The following CUX1 variants were observed in gnomAD, a reference collection of about 807,000 sequenced individuals.
CUX1 encodes the protein protein CASP.
CUX1 carries 31 observed loss-of-function variants against 158.8 expected under a neutral mutation model. The ratio of observed to expected loss-of-function variants is 0.20; its 90% CI spans 0.15 to 0.26. The LOEUF is 0.26. Among genes scored for constraint, CUX1 ranks in the 10% least tolerant of loss-of-function variants. The pLI is 1.00. For synonymous variants in CUX1, 879 were observed against 862.1 expected, an observed-to-expected ratio of 1.02 and a Z score of -0.34; for missense variants, 1,589 against 2,014.6, an observed-to-expected ratio of 0.79 and a Z score of 4.04.
chr7:102,204,298 G>A (rs941406075), intron 18 of CUX1, 93 bp from the exon 19 acceptor site: 34 of 1,512,778 alleles, frequency 2.2e-5, no homozygotes, highest in African/African-American at 1.4e-4. Context: ...CCCTAGACGC[G>A]CCCTCTGCGT....
chr7:102,234,766 A>T (rs1481153196), intron 22 of CUX1, among the ~76,000 whole-genome samples: 1 of 151,742 alleles, frequency 6.6e-6, no homozygotes, highest in Non-Finnish European at 1.5e-5. Flanking sequence ...CTAAAAAAAA[A>T]AAAAAAAAAA....
At chr7:102,003,780 C>T (rs1816998273) in intron 2 of CUX1, among the ~76,000 whole-genome samples, 3 of 152,266 alleles carry the variant, frequency 2.0e-5, no homozygotes, top group Admixed American at 2.0e-4. Context: ...ATTGCAACCC[C>T]AGTTTTAGAA....
chr7:102,075,901 G>A (rs1331193274), intron 4 of CUX1, among the ~76,000 whole-genome samples: 3 of 152,128 alleles, frequency 2.0e-5, no homozygotes, highest in Non-Finnish European at 2.9e-5. Context: ...CTCTGGGGCC[G>A]GCCCTTGGTG....
intron 1 of CUX1, among the ~76,000 whole-genome samples, chr7:101,865,643 G>T (rs1797866202): frequency 6.6e-6 from 1 of 152,242 alleles, no homozygotes; most frequent in Non-Finnish European, 1.5e-5. Context: ...TTCTTACGCA[G>T]TTGGTAGGCT....
intron 1 of CUX1, among the ~76,000 whole-genome samples, chr7:101,833,239 GAAAAA>G (rs796982088): frequency 1.4e-5 from 2 of 139,936 alleles, no homozygotes; most frequent in East Asian, 2.0e-4. Context: ...CATCTCTACA[GAAAAA>G]AAAAAAGAAA....
At chr7:102,244,034 TAAAAATA>T (rs1800536831) in intron 23 of CUX1, among the ~76,000 whole-genome samples, 1 of 150,378 alleles carries the variant, frequency 6.6e-6, no homozygotes, top group African/African-American at 2.5e-5. Flanking sequence ...CTCAAAAAAA[TAAAAATA>T]AAAATAAAAA....
chr7:101,855,728 A>G (rs563634429), intron 1 of CUX1, among the ~76,000 whole-genome samples: 26 of 152,040 alleles, frequency 1.7e-4, no homozygotes, highest in African/African-American at 6.0e-4. Context: ...AAATACAAAA[A>G]TTAGCTGGGC....
intron 20 of CUX1, among the ~76,000 whole-genome samples, chr7:102,213,758 G>C (rs1278441335): frequency 1.3e-5 from 2 of 152,202 alleles, no homozygotes; most frequent in Non-Finnish European, 2.9e-5. Flanking sequence ...ATTGCAGAAA[G>C]GGGGGTGGGA....
At chr7:101,881,070 TAC>T (rs1799657193) in intron 1 of CUX1, among the ~76,000 whole-genome samples, 1 of 152,172 alleles carries the variant, frequency 6.6e-6, no homozygotes, top group Non-Finnish European at 1.5e-5. Context: ...TTACAAGTAT[TAC>T]CTGTAGGAAT....
intron 2 of CUX1, among the ~76,000 whole-genome samples, chr7:101,954,797 G>A (rs556816647): frequency 9.5e-4 from 144 of 152,272 alleles, no homozygotes; most frequent in South Asian, 7.9e-3. Flanking sequence ...GCTTAACCAC[G>A]ACAAACTCCA....
intron 3 of CUX1, among the ~76,000 whole-genome samples, chr7:102,049,940 C>T (rs149885913): frequency 1.2e-4 from 19 of 152,264 alleles, no homozygotes; most frequent in African/African-American, 3.4e-4. Flanking sequence ...CTTGTCCCAG[C>T]GCAGGCACGA....
At chr7:101,923,038 C>T (rs772572720) in intron 2 of CUX1, among the ~76,000 whole-genome samples, 5 of 152,210 alleles carry the variant, frequency 3.3e-5, no homozygotes, top group East Asian at 1.9e-4. Flanking sequence ...TCCGATTTCC[C>T]GCGTGTGTGA....
chr7:102,135,439 C>CTT (rs1248640763), intron 8 of CUX1, among the ~76,000 whole-genome samples: 4 of 151,576 alleles, frequency 2.6e-5, no homozygotes, highest in Non-Finnish European at 4.4e-5. Flanking sequence ...CGGGTGACAG[C>CTT]GGAGGAGGAC....
intron 2 of CUX1, among the ~76,000 whole-genome samples, chr7:102,023,169 C>T (rs34271773): frequency 0.14 from 21,328 of 151,932 alleles, 2,333 homozygotes; most frequent in East Asian, 0.59. Context: ...GAGCCGAGGT[C>T]ACGTCACTGC....
intron 1 of CUX1, among the ~76,000 whole-genome samples, chr7:101,850,421 CTTTTTTT>C (rs545679696): frequency 1.9e-5 from 2 of 104,660 alleles, no homozygotes; most frequent in Non-Finnish European, 3.8e-5. Context: ...TTCTTTCTTT[CTTTTTTT>C]TTTTTTTTTT....
At chr7:101,997,084 G>T (rs1816014414) in intron 2 of CUX1, among the ~76,000 whole-genome samples, 1 of 152,100 alleles carries the variant, frequency 6.6e-6, no homozygotes, top group Non-Finnish European at 1.5e-5. Context: ...CCTGCCCATG[G>T]GGCTCTGTCT....
At chr7:102,192,921 T>C (rs922253000) in intron 12 of CUX1, among the ~76,000 whole-genome samples, 3 of 152,104 alleles carry the variant, frequency 2.0e-5, no homozygotes, top group Non-Finnish European at 4.4e-5. Flanking sequence ...ACAGTAATAA[T>C]CCTGGGGACC....
At chr7:102,234,790 C>T (rs1392830461) in intron 22 of CUX1, among the ~76,000 whole-genome samples, 2 of 150,198 alleles carry the variant, frequency 1.3e-5, no homozygotes, top group African/African-American at 4.9e-5. Context: ...TATAGCCAAG[C>T]TTGGTGGCGT....
chr7:102,069,108 C>G (rs1016667506), intron 3 of CUX1, among the ~76,000 whole-genome samples: 1 of 152,148 alleles, frequency 6.6e-6, no homozygotes, highest in Non-Finnish European at 1.5e-5. Context: ...CCGCCCTCTC[C>G]TCCTCCTCGA....
Sources: allele counts gnomAD v4.1 joint callset (sites outside exome capture counted in the v4.1 genomes callset), GRCh38; gene constraint gnomAD v4.1.1; transcripts MANE v1.5; gene names NCBI Gene and HGNC (gene_info 2026-07-23, HGNC 2026-07-21).